The following KCNH7 variants were observed in gnomAD, a reference collection of about 807,000 sequenced individuals.
KCNH7 encodes potassium voltage-gated channel subfamily H member 7.
KCNH7 carries 49 observed loss-of-function variants against 120.8 expected under a neutral mutation model. The observed-to-expected ratio is 0.41, with a 90% confidence interval of 0.32 to 0.51. The LOEUF (loss-of-function observed/expected upper bound fraction) is 0.51. Ranked by LOEUF, KCNH7 falls within the 20% of genes least tolerant of loss-of-function variation. KCNH7 has a pLI of 0.38. For synonymous variants in KCNH7, 547 were observed against 516.1 expected, an observed-to-expected ratio of 1.06 and a Z score of -0.81; for missense variants, 1,097 against 1,446.6, an observed-to-expected ratio of 0.76 and a Z score of 3.92.
intron 2 of KCNH7, among the ~76,000 whole-genome samples, chr2:162,743,915 A>G (rs1315952845): frequency 1.3e-5 from 2 of 152,166 alleles, no homozygotes; most frequent in African/African-American, 2.4e-5. Context: ...AAACGGAATA[A>G]CCACCTTGAC....
rs143459088 is a variant in KCNH7 at position 162,525,236 on chromosome 2, A to G, written c.464-7078T>C. Among the ~76,000 whole-genome samples the G allele has an allele frequency of 5.4e-3, 815 of 152,088 alleles. 11 individuals carry two copies. Among genetic ancestry groups the G allele is most frequent in the African/African-American group, 0.018 (748 of 41,564 alleles). On this transcript the variant is annotated intron_variant, in intron 3 of 15. Coordinates refer to ENST00000332142, the MANE Select transcript of KCNH7 (RefSeq NM_033272.4). ...AGGACCAAATTGGAATCTGTAAGTT[A>G]TGAGTTAAAGGCAGGAAGTGGAGGT...
intron 12 of KCNH7, among the ~76,000 whole-genome samples, chr2:162,391,422 T>A (rs1217783935): frequency 1.3e-5 from 2 of 152,116 alleles, no homozygotes; most frequent in Non-Finnish European, 2.9e-5. Flanking sequence ...CACAGCACCC[T>A]GGCTTCCTAA....
intron 2 of KCNH7, among the ~76,000 whole-genome samples, chr2:162,619,073 C>T (rs1308549091): frequency 1.3e-5 from 2 of 152,104 alleles, no homozygotes; most frequent in African/African-American, 2.4e-5. Flanking sequence ...ACTGAACGTT[C>T]AACTCATCTG....
chr2:162,793,326 C>A (rs752752464), intron 2 of KCNH7, among the ~76,000 whole-genome samples: 4 of 151,682 alleles, frequency 2.6e-5, no homozygotes, highest in Non-Finnish European at 4.4e-5. Flanking sequence ...GGGAGGGGAT[C>A]AGCAAAAATT....
At chr2:162,686,883 C>T (rs1003315621) in intron 2 of KCNH7, among the ~76,000 whole-genome samples, 10 of 152,048 alleles carry the variant, frequency 6.6e-5, no homozygotes, top group Non-Finnish European at 1.5e-4. Context: ...GAACAATTTT[C>T]TGTTCGTCTG....
rs566283184 is a variant in KCNH7 at position 162,453,738 on chromosome 2, T to A, written c.1129-7295A>T. 2.0e-5 allele frequency among the ~76,000 whole-genome samples: 3 copies of A among 152,316 alleles called. No homozygotes were observed. The East Asian group carries it at 5.8e-4, about 29-fold the overall frequency. On this transcript the variant is annotated intron_variant, in intron 6 of 15. Coordinates refer to ENST00000332142, the MANE Select transcript of KCNH7 (RefSeq NM_033272.4). Reference sequence around the variant, plus strand: ...GTGGTGAAGAGCTTTTTTTCATATGTTTCTTGGCCACATAAATGTGTTCTT... The same window carrying A: ...GTGGTGAAGAGCTTTTTTTCATATGATTCTTGGCCACATAAATGTGTTCTT...
At chr2:162,380,451 T>C (rs925240340) in intron 13 of KCNH7, among the ~76,000 whole-genome samples, 2 of 152,102 alleles carry the variant, frequency 1.3e-5, no homozygotes, top group Non-Finnish European at 2.9e-5. Context: ...GCATACGTTA[T>C]GACTTAGAGT....
intron 2 of KCNH7, among the ~76,000 whole-genome samples, chr2:162,584,680 C>G (rs937771078): frequency 7.9e-5 from 12 of 151,998 alleles, no homozygotes; most frequent in Admixed American, 7.9e-4. Context: ...ACTGGGGAAT[C>G]TAGATCTCAA....
chr2:162,405,768 C>T (rs1025128263), intron 9 of KCNH7, among the ~76,000 whole-genome samples: 2 of 151,808 alleles, frequency 1.3e-5, no homozygotes, highest in African/African-American at 4.8e-5. Flanking sequence ...TAAACTTATA[C>T]ATTTATACCA....
At chr2:162,611,162 G>C (rs751316725) in intron 2 of KCNH7, among the ~76,000 whole-genome samples, 5 of 152,196 alleles carry the variant, frequency 3.3e-5, no homozygotes, top group Non-Finnish European at 7.3e-5. Context: ...GGGGCCCACC[G>C]TGGGGCCTGC....
At chr2:162,674,637 G>A (rs555195777) in intron 2 of KCNH7, among the ~76,000 whole-genome samples, 1 of 151,574 alleles carries the variant, frequency 6.6e-6, no homozygotes, top group African/African-American at 2.4e-5. Context: ...ATATAGCAGA[G>A]ACATAAACAA....
chr2:162,779,502 A>T (rs999805804), intron 2 of KCNH7, among the ~76,000 whole-genome samples: 1 of 152,142 alleles, frequency 6.6e-6, no homozygotes, highest in Non-Finnish European at 1.5e-5. Flanking sequence ...TCCAGCCCTT[A>T]AAAATTTATA....
intron 2 of KCNH7, among the ~76,000 whole-genome samples, chr2:162,835,493 A>C (rs1263950234): frequency 6.6e-6 from 1 of 152,018 alleles, no homozygotes; most frequent in Admixed American, 6.6e-5. Flanking sequence ...TGCCTCAGTA[A>C]TTTCTGTTAG....
chr2:162,794,489 C>G (rs1016724837), intron 2 of KCNH7, among the ~76,000 whole-genome samples: 2 of 152,076 alleles, frequency 1.3e-5, no homozygotes, highest in Middle Eastern at 3.2e-3. Context: ...ACTATTAGAG[C>G]TGTGGCTTCT....
chr2:162,621,550 T>A (rs906063530), intron 2 of KCNH7, among the ~76,000 whole-genome samples: 1 of 152,162 alleles, frequency 6.6e-6, no homozygotes, highest in East Asian at 1.9e-4. Context: ...ATTGATTATG[T>A]ACCACTTGCT....
intron 2 of KCNH7, among the ~76,000 whole-genome samples, chr2:162,722,348 C>T (rs548417677): frequency 6.6e-6 from 1 of 151,908 alleles, no homozygotes; most frequent in South Asian, 2.1e-4. Context: ...TGAAAAAATC[C>T]AAATAATAAT....
chr2:162,426,239 A>T (rs1687859996), intron 8 of KCNH7, among the ~76,000 whole-genome samples: 1 of 150,212 alleles, frequency 6.7e-6, no homozygotes, highest in African/African-American at 2.5e-5. Flanking sequence ...AAAAAAAGTG[A>T]CCTGAAATAC....
chr2:162,674,844 G>A (rs1320231679), intron 2 of KCNH7, among the ~76,000 whole-genome samples: 1 of 151,592 alleles, frequency 6.6e-6, no homozygotes, highest in South Asian at 2.1e-4. Flanking sequence ...AAGGCAAACT[G>A]TAAAAGTTTT....
chr2:162,820,247 G>GTGTGTGTGTC (rs1459055054), intron 2 of KCNH7, among the ~76,000 whole-genome samples: 1 of 147,922 alleles, frequency 6.8e-6, no homozygotes, highest in African/African-American at 2.5e-5. Context: ...GTGTGTGTGT[G>GTGTGTGTGTC]TGTGTGTTTA....
Sources: gnomAD v4.1 joint callset for allele counts (sites outside exome capture counted in the v4.1 genomes callset) on GRCh38, gnomAD v4.1.1 for gene constraint, MANE v1.5 for transcripts, NCBI Gene and HGNC (gene_info 2026-07-23, HGNC 2026-07-21) for gene names.